The following CSMD1 variants were observed in gnomAD, a reference collection of about 807,000 sequenced individuals.
The protein encoded by CSMD1 is CUB and sushi domain-containing protein 1.
CSMD1 carries 213 observed loss-of-function variants against 417.5 expected under a neutral mutation model. The ratio of observed to expected loss-of-function variants is 0.51; its 90% CI spans 0.46 to 0.57. CSMD1 has a LOEUF of 0.57. CSMD1 is among the 20% of genes least tolerant of loss of function. The pLI is 0.00. For missense variants in CSMD1, 6,923 were observed against 4,529.7 expected (o/e 1.53, Z -15.17); for synonymous variants, 2,862 against 1,736.8 (o/e 1.65, Z -16.11).
intron 12 of CSMD1, among the ~76,000 whole-genome samples, chr8:3,452,044 T>C (rs952700593): frequency 3.9e-5 from 6 of 152,166 alleles, no homozygotes; most frequent in African/African-American, 1.4e-4. Context: ...CCCTTGTAAG[T>C]TGGATTCCTA....
intron 7 of CSMD1, among the ~76,000 whole-genome samples, chr8:3,659,238 T>A (rs891553558): frequency 2.2e-4 from 34 of 152,326 alleles, no homozygotes; most frequent in Non-Finnish European, 4.6e-4. Context: ...TTGTGTATAT[T>A]TATTCCTATG....
At chr8:3,419,420 T>G (rs1813350012) in intron 12 of CSMD1, among the ~76,000 whole-genome samples, 1 of 152,224 alleles carries the variant, frequency 6.6e-6, no homozygotes, top group Non-Finnish European at 1.5e-5. Context: ...AATTTACTAT[T>G]CTAGAATTTC....
intron 5 of CSMD1, among the ~76,000 whole-genome samples, chr8:3,776,807 GAT>G (rs151060171): frequency 2.4e-4 from 33 of 139,484 alleles, no homozygotes; most frequent in Admixed American, 3.5e-4. Flanking sequence ...ATATAGACGA[GAT>G]ATATATATAT....
intron 26 of CSMD1, among the ~76,000 whole-genome samples, chr8:3,280,507 CTCAGAG>C (rs1295173872): frequency 6.6e-6 from 1 of 151,998 alleles, no homozygotes; most frequent in Non-Finnish European, 1.5e-5. Context: ...ATTTAAATGC[CTCAGAG>C]TCAATGTTAT....
intron 12 of CSMD1, among the ~76,000 whole-genome samples, chr8:3,462,809 C>A (rs1375370541): frequency 2.0e-5 from 3 of 152,120 alleles, no homozygotes; most frequent in Non-Finnish European, 2.9e-5. Context: ...TATCTAAGAA[C>A]CTGATGTGGT....
At chr8:3,496,163 G>T (rs957849910) in intron 10 of CSMD1, among the ~76,000 whole-genome samples, 2 of 152,026 alleles carry the variant, frequency 1.3e-5, no homozygotes, top group Non-Finnish European at 2.9e-5. Flanking sequence ...GCGGTGTTTG[G>T]TTTTCTACTC....
chr8:3,652,065 C>A (rs544949866), intron 7 of CSMD1, among the ~76,000 whole-genome samples: 22 of 150,980 alleles, frequency 1.5e-4, no homozygotes, highest in Admixed American at 4.0e-4. Context: ...ATCGCACTTA[C>A]CCCCATCAGA....
intron 23 of CSMD1, among the ~76,000 whole-genome samples, chr8:3,316,599 G>A (rs879586488): frequency 2.1e-4 from 32 of 152,260 alleles, no homozygotes; most frequent in African/African-American, 5.1e-4. Context: ...GAACAGTCCA[G>A]GTGGAAAAGG....
In CSMD1 at chr8:3,708,589, C is replaced by T. The variant is rs1291107754; in HGVS notation, c.932-98G>A. 5.5e-6 allele frequency: 5 copies of T among 909,256 alleles called. No individual in the cohort carries two copies. In the African/African-American group the frequency reaches 6.5e-5, roughly 12 times the overall value. 56.3% of individuals were successfully genotyped at this position (909,256 alleles called of 1,614,324 possible). A position where few individuals can be genotyped will look rare whatever the true frequency, so the allele number is the denominator to read the frequency against. On this transcript the variant is annotated intron_variant, in intron 6 of 69. Transcript: ENST00000635120. ...ACTTCCAGTCATAACTGCTTTCTATCAACCCCCGAAAATGGGAAATGTTCT... is the reference window on the plus strand; with the variant it reads ...ACTTCCAGTCATAACTGCTTTCTATTAACCCCCGAAAATGGGAAATGTTCT...
At chr8:2,982,389 G>C (rs1032336396) in intron 54 of CSMD1, among the ~76,000 whole-genome samples, 7 of 152,064 alleles carry the variant, frequency 4.6e-5, no homozygotes, top group Non-Finnish European at 8.8e-5. Context: ...AGCAAATATG[G>C]ATAAACATAA....
chr8:4,263,269 T>C (rs185519528), intron 3 of CSMD1, among the ~76,000 whole-genome samples: 207 of 152,226 alleles, frequency 1.4e-3, no homozygotes, highest in East Asian at 0.011. Context: ...AAAGGTTAGA[T>C]TTCTTAAACA....
chr8:3,156,016 A>C (rs1216317126), intron 39 of CSMD1, among the ~76,000 whole-genome samples: 3 of 152,236 alleles, frequency 2.0e-5, no homozygotes, highest in African/African-American at 7.2e-5. Context: ...TTAGGCTGTC[A>C]GAAGAATGTG....
chr8:3,784,585 G>A (rs1394507098), intron 5 of CSMD1, among the ~76,000 whole-genome samples: 1 of 152,240 alleles, frequency 6.6e-6, no homozygotes, highest in African/African-American at 2.4e-5. Context: ...AATTTATTAA[G>A]ATGCTTCAAT....
intron 7 of CSMD1, among the ~76,000 whole-genome samples, chr8:3,672,182 T>C (rs1387150254): frequency 6.6e-6 from 1 of 152,188 alleles, no homozygotes; most frequent in Non-Finnish European, 1.5e-5. Flanking sequence ...TCAGGGATCT[T>C]ATAAGTTTGA....
chr8:4,420,820 G>C (rs553797324), intron 2 of CSMD1, among the ~76,000 whole-genome samples: 12 of 152,134 alleles, frequency 7.9e-5, no homozygotes, highest in Admixed American at 7.9e-4. Context: ...CCACATTCTG[G>C]TAAGTAGCTT....
At chr8:4,350,404 T>C (rs1236105467) in intron 3 of CSMD1, among the ~76,000 whole-genome samples, 3 of 152,318 alleles carry the variant, frequency 2.0e-5, no homozygotes, top group African/African-American at 7.2e-5. Context: ...ACAGCTATGA[T>C]ATGCTCTGAT....
At chr8:4,193,027 G>C (rs1039354296) in intron 3 of CSMD1, among the ~76,000 whole-genome samples, 1 of 152,108 alleles carries the variant, frequency 6.6e-6, no homozygotes, top group African/African-American at 2.4e-5. Context: ...ACTGATCTTG[G>C]AATATCTTAA....
chr8:3,652,406 G>A (rs576575714), intron 7 of CSMD1, among the ~76,000 whole-genome samples: 19 of 152,312 alleles, frequency 1.2e-4, no homozygotes, highest in African/African-American at 4.6e-4. Flanking sequence ...ACGTTGACTT[G>A]TTTGTTTCTG....
chr8:3,863,983 G>T (rs149700428), intron 5 of CSMD1, among the ~76,000 whole-genome samples: 1 of 152,128 alleles, frequency 6.6e-6, no homozygotes. Context: ...CTGCAGTCTA[G>T]GTTTGTAGAA....
Sources: allele counts gnomAD v4.1 joint callset (sites outside exome capture counted in the v4.1 genomes callset), GRCh38; gene constraint gnomAD v4.1.1; transcripts MANE v1.5; gene names NCBI Gene and HGNC (gene_info 2026-07-23, HGNC 2026-07-21).